GTF2IRD1: variants seen among roughly 807,000 people sequenced by gnomAD.
GTF2IRD1 encodes general transcription factor II-I repeat domain-containing protein 1.
A neutral mutation model predicts 113.2 loss-of-function variants in GTF2IRD1; 26 were observed. That is an observed-to-expected ratio of 0.23 (90% CI 0.17 to 0.32). The LOEUF (loss-of-function observed/expected upper bound fraction) is 0.32. GTF2IRD1 is among the 10% of genes least tolerant of loss of function. GTF2IRD1 has a pLI of 1.00. For missense variants in GTF2IRD1, 864 were observed against 1,280.8 expected, an observed-to-expected ratio of 0.67 and a Z score of 4.97; for synonymous variants, 484 against 529.1, an observed-to-expected ratio of 0.91 and a Z score of 1.17.
chr7:74,593,074 C>G (rs1583980281), intron 24 of GTF2IRD1, among the ~76,000 whole-genome samples: 1 of 151,766 alleles, frequency 6.6e-6, no homozygotes, highest in Non-Finnish European at 1.5e-5. Flanking sequence ...CCAGGCTGGT[C>G]TGGAACTCCT....
chr7:74,566,700 C>T (rs782096195), intron 22 of GTF2IRD1, among the ~76,000 whole-genome samples: 5 of 152,226 alleles, frequency 3.3e-5, no homozygotes, highest in Non-Finnish European at 7.3e-5. Flanking sequence ...GTCATCTCCC[C>T]AAGTAGCTGG....
chr7:74,521,737 G>A (rs973897696), intron 7 of GTF2IRD1, among the ~76,000 whole-genome samples: 41 of 152,168 alleles, frequency 2.7e-4, no homozygotes, highest in African/African-American at 8.7e-4. Context: ...ACTCCAGCCC[G>A]GGCAACAGTT....
At position 74,547,218 on chromosome 7, in the gene GTF2IRD1, C is replaced by T. The variant is rs139517979; in HGVS notation, c.1848C>T (p.Asn616=). The change falls in exon 17 of 27, where the codon AAC becomes AAT. Residue 616 remains asparagine, a synonymous_variant. Coordinates refer to ENST00000424337, the MANE Select transcript of GTF2IRD1 (RefSeq NM_005685.4). ...LPEGISLRRP[N]CFGIAKLRKI... is the part of the protein sequence containing the mutation. ...AAGGCATCTCCCTCCGCAGGCCCAA[C>T]TGCTTCGGGATCGCCAAGCTCCGGA... 5 of 1,613,504 alleles carry T rather than the reference C, an allele frequency of 3.1e-6. No individual in the cohort carries two copies. Among genetic ancestry groups the T allele is most frequent in the Admixed American group, 1.7e-5 (1 of 59,982 alleles).
At chr7:74,560,493 A>T (rs1460087175) in intron 22 of GTF2IRD1, among the ~76,000 whole-genome samples, 1 of 147,318 alleles carries the variant, frequency 6.8e-6, no homozygotes. Flanking sequence ...TATATATAAT[A>T]AAAATATTAT....
chr7:74,581,360 A>C (rs1554366089), intron 22 of GTF2IRD1, among the ~76,000 whole-genome samples: 2 of 152,214 alleles, frequency 1.3e-5, no homozygotes, highest in African/African-American at 4.8e-5. Context: ...CGAGTGGTTC[A>C]GGGACTTGCC....
intron 1 of GTF2IRD1, among the ~76,000 whole-genome samples, chr7:74,497,795 C>T (rs1232834791): frequency 6.6e-6 from 1 of 152,150 alleles, no homozygotes; most frequent in Non-Finnish European, 1.5e-5. Flanking sequence ...ACCTCCGCCT[C>T]CTGGGTTCAA....
chr7:74,578,674 C>G (rs184499734), intron 22 of GTF2IRD1, among the ~76,000 whole-genome samples: 1 of 152,126 alleles, frequency 6.6e-6, no homozygotes. Flanking sequence ...TGGGCTGCTT[C>G]CATTGTTTTG....
At chr7:74,542,487 A>G (rs1798688195) in intron 14 of GTF2IRD1, among the ~76,000 whole-genome samples, 1 of 152,258 alleles carries the variant, frequency 6.6e-6, no homozygotes, top group Non-Finnish European at 1.5e-5. Context: ...TTTGCTTACA[A>G]CTGTGTTGCA....
Position 74,545,689 on chromosome 7 carries a change from A to G in GTF2IRD1, c.1667-55A>G, listed in dbSNP as rs1204255779. 2.8e-5 allele frequency: 38 copies of G among 1,356,264 alleles called. No homozygotes were observed. In the Admixed American group the frequency reaches 3.9e-4, roughly 14 times the overall value. The allele number at this position is 1,356,264 out of a possible 1,614,324, so 84.0% of individuals were successfully genotyped here. Reference sequence around the variant, plus strand: ...ATGTTGGTACCAGCAGAGCAGGAACATCAGCCGAGAAGCTGCCACCAACCA... The same window carrying G: ...ATGTTGGTACCAGCAGAGCAGGAACGTCAGCCGAGAAGCTGCCACCAACCA... On this transcript the variant is annotated intron_variant, in intron 15 of 26. Transcript: ENST00000424337.
At chr7:74,526,914 GACCT>G (rs1253880220) in intron 8 of GTF2IRD1, among the ~76,000 whole-genome samples, 1 of 152,158 alleles carries the variant, frequency 6.6e-6, no homozygotes. Flanking sequence ...CGCCAACGCA[GACCT>G]GGGCCGCTGC....
chr7:74,481,769 T>C (rs575749329), intron 1 of GTF2IRD1, among the ~76,000 whole-genome samples: 1 of 152,352 alleles, frequency 6.6e-6, no homozygotes, highest in South Asian at 2.1e-4. Flanking sequence ...TCTTTGCATG[T>C]AAATCTTTGC....
chr7:74,468,092 T>G (rs1248562996), intron 1 of GTF2IRD1, among the ~76,000 whole-genome samples: 1 of 152,188 alleles, frequency 6.6e-6, no homozygotes, highest in Non-Finnish European at 1.5e-5. Context: ...TACTCCCCAG[T>G]GTACACAGCT....
intron 4 of GTF2IRD1, among the ~76,000 whole-genome samples, chr7:74,517,795 C>T (rs587598931): frequency 3.3e-5 from 5 of 152,012 alleles, no homozygotes; most frequent in East Asian, 1.9e-4. Context: ...TTTCTCCTAC[C>T]GGATTGTCTG....
intron 6 of GTF2IRD1, among the ~76,000 whole-genome samples, chr7:74,520,837 A>G (rs587605520): frequency 1.9e-5 from 2 of 106,504 alleles, no homozygotes; most frequent in Non-Finnish European, 1.9e-5. Context: ...TGTAAGTTAT[A>G]TATACTATTA....
At position 74,474,687 on chromosome 7, in the gene GTF2IRD1, T is replaced by C. The variant is rs116749848; in HGVS notation, c.-7+20511T>C. ...GGGGAGAGTACTGTTGTGTTTGTAGTGTTGCTGAGGTGGGTTGCGAGATGC... is the reference window on the plus strand; with the variant it reads ...GGGGAGAGTACTGTTGTGTTTGTAGCGTTGCTGAGGTGGGTTGCGAGATGC... On this transcript the variant is annotated intron_variant, in intron 1 of 26. Transcript: ENST00000424337. 5.9e-4 allele frequency among the ~76,000 whole-genome samples: 90 copies of C among 152,304 alleles called. 1 individual carries two copies. Among genetic ancestry groups the C allele is most frequent in the African/African-American group, 2.0e-3 (83 of 41,568 alleles).
chr7:74,540,010 C>T (rs1554351318), intron 14 of GTF2IRD1, 42 bp downstream of exon 14: 2 of 1,431,164 alleles, frequency 1.4e-6, no homozygotes, highest in East Asian at 2.3e-5. Flanking sequence ...GGACTCAGCT[C>T]TCCAGGGAGC....
chr7:74,572,132 G>A (rs1205337908), intron 22 of GTF2IRD1, among the ~76,000 whole-genome samples: 1 of 152,280 alleles, frequency 6.6e-6, no homozygotes, highest in East Asian at 1.9e-4. Context: ...TGCTATGGTG[G>A]GATGGGCTTC....
chr7:74,556,764 C>T (rs1394143491), intron 19 of GTF2IRD1, among the ~76,000 whole-genome samples: 5 of 134,108 alleles, frequency 3.7e-5, no homozygotes, highest in Admixed American at 7.7e-5. Flanking sequence ...GCTGGGATTA[C>T]AGGTACGCAC....
chr7:74,590,342 A>T (rs1423049860), intron 23 of GTF2IRD1, among the ~76,000 whole-genome samples: 1 of 151,380 alleles, frequency 6.6e-6, no homozygotes, highest in Non-Finnish European at 1.5e-5. Flanking sequence ...TGGCCTCCCA[A>T]AGTGCCAGGA....
Sources: gnomAD v4.1 joint callset for allele counts (sites outside exome capture counted in the v4.1 genomes callset) on GRCh38, gnomAD v4.1.1 for gene constraint, MANE v1.5 for transcripts, NCBI Gene and HGNC (gene_info 2026-07-23, HGNC 2026-07-21) for gene names.